The following BCKDHA variants were observed in gnomAD, a reference collection of about 807,000 sequenced individuals.
The protein encoded by BCKDHA is 2-oxoisovalerate dehydrogenase subunit alpha, mitochondrial.
Under a neutral mutation model 52.2 loss-of-function variants are expected in BCKDHA, and 43 were observed. That is an observed-to-expected ratio of 0.82 (90% CI 0.64 to 1.06). BCKDHA has a LOEUF of 1.06. Ranked by LOEUF, BCKDHA falls within the 50% of genes least tolerant of loss-of-function variation. The pLI is 0.00. For missense variants in BCKDHA, 527 were observed against 621.3 expected, an observed-to-expected ratio of 0.85 and a Z score of 1.61; for synonymous variants, 234 against 247.9, an observed-to-expected ratio of 0.94 and a Z score of 0.53.
At chr19:41,406,652 A>G (rs1404196532) in intron 1 of BCKDHA, among the ~76,000 whole-genome samples, 3 of 151,180 alleles carry the variant, frequency 2.0e-5, no homozygotes, top group African/African-American at 4.9e-5. Flanking sequence ...TCACTGCAAC[A>G]TCCGCCTCCC....
At chr19:41,422,024 G>A (rs2039371172) in intron 5 of BCKDHA, 140 bp from the exon 6 acceptor site, 14 of 812,478 alleles carry the variant, frequency 1.7e-5, no homozygotes, top group Non-Finnish European at 2.9e-5. Context: ...GGGGCATCAG[G>A]AGCTGAGGTG....
Position 41,412,154 on chromosome 19 carries a change from G to C in BCKDHA, c.375+1145G>C, listed in dbSNP as rs577355914. 1.1e-4 allele frequency among the ~76,000 whole-genome samples: 16 copies of C among 152,032 alleles called. No individual in the cohort carries two copies. In the South Asian group the frequency reaches 3.3e-3, roughly 32 times the overall value. ...CAGCCAGACTGCTTGTCAGAGCCCT[G>C]CTTGGCTTCTCGCCCTGGATGTCCC... On this transcript the variant is annotated intron_variant, in intron 3 of 8. Transcript: ENST00000269980.
At position 41,424,670 on chromosome 19, in the gene BCKDHA, G is replaced by C; in HGVS notation, c.*62G>C. The C allele has an allele frequency of 6.6e-7, 1 of 1,513,976 alleles. No homozygotes were observed. The highest frequency in any genetic ancestry group is 8.9e-7 in the Non-Finnish European group (1 of 1,119,102). The allele number at this position is 1,513,976 out of a possible 1,614,324, so 93.8% of individuals were successfully genotyped here. On this transcript the variant is annotated 3_prime_UTR_variant, in exon 9 of 9. Transcript: ENST00000269980. The stretch of plus-strand genomic sequence containing the variant: ...CCCGAGAGGTAGCCCCACTCTAAGG[G>C]GAGCAGGGGGACCTGACAGCACACC...
At position 41,422,649 on chromosome 19, in the gene BCKDHA, G is replaced by C; in HGVS notation, c.874G>C (p.Gly292Arg). 1 of 1,614,148 alleles carries C rather than the reference G, an allele frequency of 6.2e-7. No homozygotes were observed. Among genetic ancestry groups the C allele is most frequent in the Non-Finnish European group, 8.5e-7 (1 of 1,180,032 alleles). ...CACAGCAGCACGAGGCCCCGGGTATGGCATCATGTCAATCCGCGTGGATGG... is the reference window on the plus strand; with the variant it reads ...CACAGCAGCACGAGGCCCCGGGTATCGCATCATGTCAATCCGCGTGGATGG... ...DGIAARGPGYGIMSIRVDGND... is the reference protein window; with the variant it reads ...DGIAARGPGYRIMSIRVDGND... The change falls in exon 7 of 9, where the codon GGC becomes CGC. Residue 292 changes from glycine (G) to arginine (R), a missense_variant. Transcript: ENST00000269980.
chr19:41,420,820 A>G (rs1196550678), intron 5 of BCKDHA, among the ~76,000 whole-genome samples: 1 of 152,160 alleles, frequency 6.6e-6, no homozygotes, highest in Non-Finnish European at 1.5e-5. Flanking sequence ...TTGGGAAGCA[A>G]ACCCACTGGG....
chr19:41,411,954 C>T (rs184805331), intron 3 of BCKDHA, among the ~76,000 whole-genome samples: 26 of 152,306 alleles, frequency 1.7e-4, no homozygotes, highest in Admixed American at 4.6e-4. Context: ...TCAGTTTCCC[C>T]CACAGCAACG....
chr19:41,401,180 G>T (rs562623387), intron 1 of BCKDHA, among the ~76,000 whole-genome samples: 1 of 151,676 alleles, frequency 6.6e-6, no homozygotes, highest in Non-Finnish European at 1.5e-5. Flanking sequence ...GGGTTCAAGC[G>T]ATTCTCCTGC....
intron 5 of BCKDHA, 130 bp downstream of exon 5, chr19:41,419,426 C>A: frequency 8.6e-7 from 1 of 1,163,234 alleles, no homozygotes; most frequent in Non-Finnish European, 1.2e-6. Context: ...CTGGTCTGTG[C>A]TCCAGACTTC....
chr19:41,403,928 GT>G (rs936329440), intron 1 of BCKDHA, among the ~76,000 whole-genome samples: 2 of 151,636 alleles, frequency 1.3e-5, no homozygotes, highest in East Asian at 1.9e-4. Flanking sequence ...GAAATCTCCC[GT>G]TTTTTTTTAT....
At position 41,410,854 on chromosome 19, in the gene BCKDHA, G is replaced by A. The variant is rs371286159; in HGVS notation, c.288+38G>A. On this transcript the variant is annotated intron_variant, in intron 2 of 8. Transcript: ENST00000269980. ...CTCCCCCACTTCCCGTGCCCCCCAC[G>A]CCCAGGCCCCTTGCCTGTCTCCTCT... 3.3e-5 allele frequency: 53 copies of A among 1,613,036 alleles called. No individual in the cohort carries two copies. In the East Asian group the frequency reaches 6.5e-4, roughly 20 times the overall value.
At chr19:41,423,850 A>G (rs1427978819) in intron 8 of BCKDHA, among the ~76,000 whole-genome samples, 4 of 147,904 alleles carry the variant, frequency 2.7e-5, no homozygotes, top group Non-Finnish European at 3.0e-5. Flanking sequence ...AAAATTAGCC[A>G]GGCGTGGTGG....
intron 3 of BCKDHA, among the ~76,000 whole-genome samples, chr19:41,412,380 C>G (rs10418291): frequency 4.4e-4 from 29 of 65,858 alleles, no homozygotes; most frequent in Non-Finnish European, 5.5e-4. Context: ...GTAGATATTT[C>G]TTTTTTTTTT....
Position 41,419,121 on chromosome 19 carries a change from T to C in BCKDHA, c.485-14T>C, listed in dbSNP as rs767906298. ...ACTGCCCACTCGGCTAACCATTGCC[T>C]CCTCCCCTCCTAGGTGTGCTGATGT... On this transcript the variant is annotated splice_polypyrimidine_tract_variant and intron_variant, in intron 4 of 8. Transcript: ENST00000269980. 1 of 1,613,950 alleles carries C rather than the reference T, an allele frequency of 6.2e-7. No individual in the cohort carries two copies. The highest frequency in any genetic ancestry group is 8.5e-7 in the Non-Finnish European group (1 of 1,179,944).
In BCKDHA at chr19:41,422,431, T is replaced by C. The variant is rs284651; in HGVS notation, c.853+61T>C. ...GATCATCTCCTTCCCTCCCCAATCC[T>C]GCCACCTTCCTGCCACCCCTACCCT... On this transcript the variant is annotated intron_variant, in intron 6 of 8. Transcript: ENST00000269980. The C allele has an allele frequency of 0.61, 978,029 of 1,600,664 alleles. 302,474 individuals are homozygous for C. The highest frequency in any genetic ancestry group is 0.83 in the African/African-American group (62,081 of 74,664).
chr19:41,406,292 C>T (rs542584014), intron 1 of BCKDHA, among the ~76,000 whole-genome samples: 2 of 152,312 alleles, frequency 1.3e-5, no homozygotes, highest in East Asian at 3.9e-4. Context: ...CTGGCCTCCC[C>T]TCTTAGTGCC....
chr19:41,407,934 G>T (rs994619576), intron 1 of BCKDHA, among the ~76,000 whole-genome samples: 1 of 149,830 alleles, frequency 6.7e-6, no homozygotes, highest in African/African-American at 2.5e-5. Context: ...AGCGTTGGAA[G>T]CCCAGTTCTG....
chr19:41,422,655 A>G lies in BCKDHA; in HGVS notation c.880A>G (p.Met294Val), dbSNP rs976829569. The change falls in exon 7 of 9, where the codon ATG becomes GTG. Residue 294 changes from methionine (M) to valine (V), a missense_variant. Transcript: ENST00000269980. The stretch of plus-strand genomic sequence containing the variant: ...AGCACGAGGCCCCGGGTATGGCATC[A>G]TGTCAATCCGCGTGGATGGTAATGA... Reference protein sequence around the residue: ...IAARGPGYGIMSIRVDGNDVF... With the variant: ...IAARGPGYGIVSIRVDGNDVF... The G allele has an allele frequency of 6.2e-7, 1 of 1,614,034 alleles. No homozygotes were observed. Among genetic ancestry groups the G allele is most frequent in the Non-Finnish European group, 8.5e-7 (1 of 1,180,014 alleles).
intron 4 of BCKDHA, 169 bp from the exon 5 acceptor site, chr19:41,418,966 A>T (rs2039335262): frequency 1.4e-6 from 1 of 727,402 alleles, no homozygotes; most frequent in African/African-American, 1.8e-5. Context: ...TCTTTTGAAA[A>T]ATCAGATTGG....
At chr19:41,401,063 GT>G (rs2039133601) in intron 1 of BCKDHA, among the ~76,000 whole-genome samples, 1 of 123,296 alleles carries the variant, frequency 8.1e-6, no homozygotes, top group South Asian at 2.7e-4. Flanking sequence ...ATGGTGCAGG[GT>G]TTTTGTTTTG....
Sources: allele counts gnomAD v4.1 joint callset (sites outside exome capture counted in the v4.1 genomes callset), GRCh38; gene constraint gnomAD v4.1.1; transcripts MANE v1.5; gene names NCBI Gene and HGNC (gene_info 2026-07-23, HGNC 2026-07-21).